Variants in PLCB1 observed in about 807,000 individuals in gnomAD.
PLCB1 encodes phospholipase C beta 1, also known as 1-phosphatidylinositol 4,5-bisphosphate phosphodiesterase beta-1.
Under a neutral mutation model 161.8 loss-of-function variants are expected in PLCB1, and 46 were observed. The ratio of observed to expected loss-of-function variants is 0.28; its 90% CI spans 0.22 to 0.36. The LOEUF is 0.36. Ranked by LOEUF, PLCB1 falls within the 10% of genes least tolerant of loss-of-function variation. The pLI is 1.00. For missense variants in PLCB1, 1,016 were observed against 1,472.5 expected, an observed-to-expected ratio of 0.69 and a Z score of 5.07; for synonymous variants, 517 against 503.7, an observed-to-expected ratio of 1.03 and a Z score of -0.35.
intron 3 of PLCB1, among the ~76,000 whole-genome samples, chr20:8,563,026 G>A (rs945333081): frequency 1.3e-5 from 2 of 151,978 alleles, no homozygotes; most frequent in African/African-American, 2.4e-5. Context: ...GTAGCTTATA[G>A]TGTGTAAACC....
At chr20:8,689,396 G>A (rs1990424470) in intron 10 of PLCB1, among the ~76,000 whole-genome samples, 1 of 152,110 alleles carries the variant, frequency 6.6e-6, no homozygotes, top group Admixed American at 6.5e-5. Context: ...GAAGGGTGGT[G>A]AGAGTGGGCA....
chr20:8,253,953 G>A (rs970985154), intron 2 of PLCB1, among the ~76,000 whole-genome samples: 3 of 151,890 alleles, frequency 2.0e-5, no homozygotes, highest in African/African-American at 4.8e-5. Context: ...ACATGATTTC[G>A]TTTCTTGTTA....
chr20:8,795,092 TG>T (rs1203854094), intron 31 of PLCB1, among the ~76,000 whole-genome samples: 1 of 152,224 alleles, frequency 6.6e-6, no homozygotes, highest in African/African-American at 2.4e-5. Context: ...GCATGTGAGC[TG>T]GGACCTTAAG....
At chr20:8,326,396 A>T (rs1320992450) in intron 2 of PLCB1, among the ~76,000 whole-genome samples, 2 of 152,228 alleles carry the variant, frequency 1.3e-5, no homozygotes, top group East Asian at 1.9e-4. Context: ...CCCAGCGCTT[A>T]CAGCACAGCA....
intron 3 of PLCB1, among the ~76,000 whole-genome samples, chr20:8,399,897 A>G (rs968322712): frequency 6.6e-6 from 1 of 152,192 alleles, no homozygotes; most frequent in Non-Finnish European, 1.5e-5. Context: ...TTTCATTTTT[A>G]GAAATCCATG....
At chr20:8,506,142 T>C (rs1983627788) in intron 3 of PLCB1, among the ~76,000 whole-genome samples, 1 of 152,348 alleles carries the variant, frequency 6.6e-6, no homozygotes, top group Admixed American at 6.5e-5. Context: ...CATGGTATGA[T>C]CTGGTTTGTG....
intron 3 of PLCB1, among the ~76,000 whole-genome samples, chr20:8,518,946 G>A (rs1164772211): frequency 1.3e-5 from 2 of 151,852 alleles, no homozygotes; most frequent in African/African-American, 4.8e-5. Context: ...TTCCCAGTGG[G>A]GTTCTTGCTC....
chr20:8,617,021 C>T (rs1484088192), intron 3 of PLCB1, among the ~76,000 whole-genome samples: 2 of 152,080 alleles, frequency 1.3e-5, no homozygotes, highest in Non-Finnish European at 2.9e-5. Flanking sequence ...GATGCAATCT[C>T]CTGCTGGGAA....
chr20:8,709,251 T>C (rs1978862334), intron 12 of PLCB1, among the ~76,000 whole-genome samples: 1 of 152,200 alleles, frequency 6.6e-6, no homozygotes, highest in African/African-American at 2.4e-5. Context: ...TTTGTTAATA[T>C]TTGTATTTGC....
At chr20:8,837,367 T>G (rs1406471025) in intron 31 of PLCB1, among the ~76,000 whole-genome samples, 1 of 152,158 alleles carries the variant, frequency 6.6e-6, no homozygotes, top group Non-Finnish European at 1.5e-5. Flanking sequence ...ATAGAAAAGT[T>G]TGGAAAACTG....
intron 2 of PLCB1, among the ~76,000 whole-genome samples, chr20:8,228,073 T>C (rs995318411): frequency 3.3e-5 from 5 of 152,042 alleles, no homozygotes; most frequent in Admixed American, 3.3e-4. Flanking sequence ...GCAGGAGAAT[T>C]GCTTGAACCT....
intron 3 of PLCB1, among the ~76,000 whole-genome samples, chr20:8,552,544 T>C (rs574779035): frequency 6.6e-6 from 1 of 152,324 alleles, no homozygotes; most frequent in Admixed American, 6.5e-5. Context: ...AATAGCCATA[T>C]GTATTTGTAA....
chr20:8,334,394 T>C (rs1408061796), intron 2 of PLCB1, among the ~76,000 whole-genome samples: 4 of 152,214 alleles, frequency 2.6e-5, no homozygotes, highest in Non-Finnish European at 5.9e-5. Context: ...ACATAAAACA[T>C]TTACTATAAT....
chr20:8,548,304 G>A (rs975460290), intron 3 of PLCB1, among the ~76,000 whole-genome samples: 40 of 66,784 alleles, frequency 6.0e-4, no homozygotes, highest in African/African-American at 1.5e-3. Context: ...TTTTTCTTTC[G>A]TCTTCCTTCC....
rs1555769079 is a variant in PLCB1 at position 8,541,605 on chromosome 20, AAAGG to A, written c.247-86681_247-86678del. Among the ~76,000 whole-genome samples the A allele has an allele frequency of 1.1e-3, 158 of 149,930 alleles. 3 individuals are homozygous for A. Among genetic ancestry groups the A allele is most frequent in the Middle Eastern group, 3.4e-3 (1 of 292 alleles). ...GAAAGAAAGAAAGAAAGAAAGAAAG[AAAGG>A]AAGGAAGATAGTAATGAAATGTGGG... On this transcript the variant is annotated intron_variant, in intron 3 of 31. Coordinates refer to ENST00000338037, the MANE Select transcript of PLCB1 (RefSeq NM_015192.4).
chr20:8,632,472 A>G (rs1988630709), intron 4 of PLCB1, among the ~76,000 whole-genome samples: 1 of 152,188 alleles, frequency 6.6e-6, no homozygotes, highest in African/African-American at 2.4e-5. Context: ...TGGAGCATAC[A>G]TTCTAGTGTG....
intron 31 of PLCB1, among the ~76,000 whole-genome samples, chr20:8,876,133 G>A (rs1987772586): frequency 1.3e-5 from 2 of 152,128 alleles, no homozygotes; most frequent in South Asian, 4.1e-4. Flanking sequence ...CAAGTTAACT[G>A]AGAAATTTAG....
At chr20:8,439,404 TC>T (rs371035590) in intron 3 of PLCB1, among the ~76,000 whole-genome samples, 7 of 152,196 alleles carry the variant, frequency 4.6e-5, no homozygotes, top group African/African-American at 1.7e-4. Flanking sequence ...ATGTATTTTT[TC>T]CTAAGACCCA....
At chr20:8,684,212 A>T (rs890265354) in intron 9 of PLCB1, among the ~76,000 whole-genome samples, 1 of 150,366 alleles carries the variant, frequency 6.7e-6, no homozygotes, top group Non-Finnish European at 1.5e-5. Context: ...TATTTTAAAT[A>T]ATAAAACCAC....
Sources: allele counts gnomAD v4.1 joint callset (sites outside exome capture counted in the v4.1 genomes callset), GRCh38; gene constraint gnomAD v4.1.1; transcripts MANE v1.5; gene names NCBI Gene and HGNC (gene_info 2026-07-23, HGNC 2026-07-21).